Variants in EGF observed in about 807,000 individuals in gnomAD.
EGF encodes pro-epidermal growth factor.
A neutral mutation model predicts 143.8 loss-of-function variants in EGF; 95 were observed. The observed-to-expected ratio is 0.66, with a 90% CI of 0.56 to 0.78. EGF has a LOEUF of 0.78. Among genes scored for constraint, EGF ranks in the 30% least tolerant of loss-of-function variants. EGF has a pLI of 0.00. For synonymous variants in EGF, 510 were observed against 510.5 expected (o/e 1.00, Z 0.01); for missense variants, 1,320 against 1,470.9 (o/e 0.90, Z 1.68).
intron 2 of EGF, among the ~76,000 whole-genome samples, chr4:109,941,767 C>T (rs1261191976): frequency 2.0e-5 from 3 of 152,116 alleles, no homozygotes; most frequent in Admixed American, 2.0e-4. Flanking sequence ...TCTTTTTATT[C>T]TCACAGAGCT....
rs769999140 is a variant in EGF, at chr4:109,945,196, A to G, written c.861A>G (p.Ser287=). 4 of 1,614,030 alleles carry G rather than the reference A, an allele frequency of 2.5e-6. No individual in the cohort carries two copies. Among genetic ancestry groups the G allele is most frequent in the Non-Finnish European group, 3.4e-6 (4 of 1,180,028 alleles). Reference sequence around the variant, plus strand: ...ACATGGTTAGAATTAACCTCCATTCATCATTTGTACCACTTGGTGAACTGA... The same window carrying G: ...ACATGGTTAGAATTAACCTCCATTCGTCATTTGTACCACTTGGTGAACTGA... ...GKDMVRINLH[S]SFVPLGELKV... The change falls in exon 5 of 24, where the codon TCA becomes TCG. Residue 287 remains serine, a synonymous_variant. Transcript: ENST00000265171.
intron 3 of EGF, among the ~76,000 whole-genome samples, 198 bp from the exon 4 acceptor site, chr4:109,943,644 T>C (rs1053110301): frequency 8.5e-5 from 13 of 152,200 alleles, no homozygotes; most frequent in African/African-American, 2.9e-4. Context: ...CATGGTTTTC[T>C]GCTATAGAGG....
intron 1 of EGF, among the ~76,000 whole-genome samples, chr4:109,920,221 G>A (rs1299048051): frequency 6.6e-6 from 1 of 151,624 alleles, no homozygotes; most frequent in Non-Finnish European, 1.5e-5. Context: ...TACAATAGAG[G>A]AAACTCGGAG....
intron 5 of EGF, among the ~76,000 whole-genome samples, chr4:109,952,027 G>A (rs903230732): frequency 1.3e-5 from 2 of 151,662 alleles, no homozygotes; most frequent in African/African-American, 4.8e-5. Context: ...CCGGCTGTCC[G>A]AAAACAGGCA....
At chr4:109,926,345 A>ACT (rs1163748260) in intron 1 of EGF, among the ~76,000 whole-genome samples, 2 of 143,788 alleles carry the variant, frequency 1.4e-5, no homozygotes, top group African/African-American at 5.2e-5. Flanking sequence ...AGAGTGAGAC[A>ACT]CTGTCTTTTT....
chr4:109,978,877 A>G (rs564947692), intron 13 of EGF, among the ~76,000 whole-genome samples: 44 of 152,354 alleles, frequency 2.9e-4, no homozygotes, highest in African/African-American at 1.0e-3. Context: ...CATTGTAACC[A>G]GAACAAGTTA....
chr4:109,934,266 T>G (rs1278822998), intron 1 of EGF, among the ~76,000 whole-genome samples: 2 of 152,180 alleles, frequency 1.3e-5, no homozygotes, highest in African/African-American at 2.4e-5. Flanking sequence ...CCTATCAGCT[T>G]AAGGAGATTT....
At chr4:109,981,860 G>A (rs1238472096) in intron 15 of EGF, among the ~76,000 whole-genome samples, 1 of 152,042 alleles carries the variant, frequency 6.6e-6, no homozygotes, top group Admixed American at 6.5e-5. Context: ...AAAAAGCTGT[G>A]TAGTCAATGG....
intron 10 of EGF, 65 bp from the exon 11 acceptor site, chr4:109,968,906 C>G: frequency 6.2e-7 from 1 of 1,606,026 alleles, no homozygotes. Context: ...AAGACTAGTG[C>G]CATTTGTATA....
intron 5 of EGF, 110 bp downstream of exon 5, chr4:109,945,385 C>A (rs1033091429): frequency 5.9e-5 from 56 of 953,912 alleles, no homozygotes; most frequent in Non-Finnish European, 7.6e-5. Flanking sequence ...TTTCTTCAAC[C>A]CTCATATATT....
chr4:110,005,503 A>T (rs1355107410), intron 22 of EGF, among the ~76,000 whole-genome samples: 1 of 152,236 alleles, frequency 6.6e-6, no homozygotes. Flanking sequence ...TTATACTGAA[A>T]GTTCAAATTT....
At chr4:110,001,088 G>A (rs1336502716) in intron 21 of EGF, among the ~76,000 whole-genome samples, 2 of 152,170 alleles carry the variant, frequency 1.3e-5, no homozygotes, top group African/African-American at 4.8e-5. Context: ...CACAGGCTCT[G>A]GAATCAGATT....
At chr4:109,990,432 A>G (rs971342851) in intron 18 of EGF, among the ~76,000 whole-genome samples, 1 of 152,280 alleles carries the variant, frequency 6.6e-6, no homozygotes, top group East Asian at 1.9e-4. Context: ...AGCATGGGGG[A>G]TAAGTAATTT....
Position 110,003,178 on chromosome 4 carries a change from C to G in EGF, c.3174-1327C>G, listed in dbSNP as rs11569102. 0.014 allele frequency among the ~76,000 whole-genome samples: 2,164 copies of G among 152,122 alleles called. 228 individuals carry two copies. The East Asian group carries it at 0.24, about 17-fold the overall frequency. On this transcript the variant is annotated intron_variant, in intron 21 of 23. Coordinates refer to ENST00000265171, the MANE Select transcript of EGF (RefSeq NM_001963.6). ...GATTTATATTCCTCTGGGTATATACCCAGTAATGGAATTGCTGGGTCAAAT... is the reference window on the plus strand; with the variant it reads ...GATTTATATTCCTCTGGGTATATACGCAGTAATGGAATTGCTGGGTCAAAT...
intron 11 of EGF, among the ~76,000 whole-genome samples, chr4:109,974,267 A>G (rs764729077): frequency 4.7e-4 from 71 of 152,286 alleles, no homozygotes; most frequent in Non-Finnish European, 6.9e-4. Flanking sequence ...AGAAAATTAA[A>G]GCCAATGTAA....
intron 1 of EGF, among the ~76,000 whole-genome samples, chr4:109,928,413 T>G (rs1253905756): frequency 6.6e-6 from 1 of 152,146 alleles, no homozygotes; most frequent in Non-Finnish European, 1.5e-5. Flanking sequence ...GGACCTGGAA[T>G]CAGTAGAAAG....
intron 15 of EGF, among the ~76,000 whole-genome samples, chr4:109,983,106 A>G (rs1243012582): frequency 6.6e-6 from 1 of 152,186 alleles, no homozygotes; most frequent in East Asian, 1.9e-4. Flanking sequence ...GTGGGCTGTG[A>G]TTATGAGCTG....
rs537452963 is a variant in EGF, at chr4:109,926,689, G to A, written c.127+13227G>A. Among the ~76,000 whole-genome samples, 141 of 152,242 alleles carry A rather than the reference G, an allele frequency of 9.3e-4. 1 individual carries two copies. The highest frequency in any genetic ancestry group is 3.3e-3 in the African/African-American group (137 of 41,554). On this transcript the variant is annotated intron_variant, in intron 1 of 23. Coordinates refer to ENST00000265171, the MANE Select transcript of EGF (RefSeq NM_001963.6). ...CGTCTTTAAAAGAAGAAAAAGAAAA[G>A]GACAAGTGTTTAACAATTTTTGGCT... is the stretch of plus-strand genomic sequence containing the variant.
intron 6 of EGF, 140 bp downstream of exon 6, chr4:109,959,577 C>T (rs1286504495): frequency 3.0e-5 from 36 of 1,212,724 alleles, no homozygotes; most frequent in Admixed American, 1.4e-4. Flanking sequence ...TCTCCCCGTC[C>T]CCCACACAAC....
Sources: allele counts gnomAD v4.1 joint callset (sites outside exome capture counted in the v4.1 genomes callset), GRCh38; gene constraint gnomAD v4.1.1; transcripts MANE v1.5; gene names NCBI Gene and HGNC (gene_info 2026-07-23, HGNC 2026-07-21).